Variants in CADPS2 observed in about 807,000 individuals in gnomAD.
CADPS2 encodes calcium dependent secretion activator 2, also known as calcium-dependent secretion activator 2.
Under a neutral mutation model 172.5 loss-of-function variants are expected in CADPS2, and 93 were observed. The observed-to-expected ratio is 0.54, with a 90% CI of 0.46 to 0.64. The LOEUF is 0.64. CADPS2 is among the 30% of genes least tolerant of loss of function. CADPS2 has a pLI of 0.00. For missense variants in CADPS2, 1,420 were observed against 1,565.9 expected (o/e 0.91, Z 1.57); for synonymous variants, 546 against 555.2 (o/e 0.98, Z 0.23).
At chr7:122,853,659 C>T (rs576557943) in intron 1 of CADPS2, among the ~76,000 whole-genome samples, 1 of 152,286 alleles carries the variant, frequency 6.6e-6, no homozygotes, top group Non-Finnish European at 1.5e-5. Context: ...TCAAGAGTCA[C>T]AAATGAATGT....
At chr7:122,424,373 G>T in intron 17 of CADPS2, 1 of 981,110 alleles carries the variant, frequency 1.0e-6, no homozygotes, top group Non-Finnish European at 1.2e-6. Flanking sequence ...CCTATGGCCA[G>T]CTGTTGAACA....
intron 27 of CADPS2, among the ~76,000 whole-genome samples, chr7:122,352,259 A>C (rs2038781354): frequency 6.6e-6 from 1 of 152,254 alleles, no homozygotes; most frequent in Non-Finnish European, 1.5e-5. Context: ...TAAATCTCTC[A>C]GTTCACTAGC....
chr7:122,669,730 A>G (rs1483773837), intron 2 of CADPS2, among the ~76,000 whole-genome samples: 2 of 152,030 alleles, frequency 1.3e-5, no homozygotes, highest in East Asian at 3.9e-4. Flanking sequence ...ACATACTCTG[A>G]AGGCCATCAC....
At chr7:122,647,686 C>CA (rs1191876563) in intron 3 of CADPS2, among the ~76,000 whole-genome samples, 1 of 152,098 alleles carries the variant, frequency 6.6e-6, no homozygotes, top group Non-Finnish European at 1.5e-5. Context: ...CATTAAATAT[C>CA]ACTGATACTA....
chr7:122,428,538 G>A (rs764872705), intron 17 of CADPS2, among the ~76,000 whole-genome samples: 2 of 150,984 alleles, frequency 1.3e-5, no homozygotes, highest in Non-Finnish European at 2.9e-5. Flanking sequence ...CGCAATCACG[G>A]CTCACTGCAA....
chr7:122,326,772 T>A (rs971661750), intron 28 of CADPS2, among the ~76,000 whole-genome samples: 1 of 152,084 alleles, frequency 6.6e-6, no homozygotes, highest in East Asian at 1.9e-4. Context: ...TCTGGATTTA[T>A]ATTTATTAAC....
At chr7:122,599,581 G>T (rs986517901) in intron 6 of CADPS2, among the ~76,000 whole-genome samples, 3 of 152,014 alleles carry the variant, frequency 2.0e-5, no homozygotes, top group East Asian at 3.9e-4. Flanking sequence ...AATGTGTTGA[G>T]TAAGGTATCC....
At chr7:122,722,228 A>G (rs987271706) in intron 2 of CADPS2, among the ~76,000 whole-genome samples, 10 of 152,050 alleles carry the variant, frequency 6.6e-5, no homozygotes, top group African/African-American at 2.4e-4. Context: ...AGGGTATTCA[A>G]TTAGGAAAAG....
intron 14 of CADPS2, among the ~76,000 whole-genome samples, chr7:122,462,227 AAG>A (rs2054541885): frequency 1.3e-5 from 2 of 152,172 alleles, no homozygotes; most frequent in South Asian, 4.1e-4. Flanking sequence ...GTAAGCCAGA[AAG>A]GGGGTGACTG....
intron 3 of CADPS2, among the ~76,000 whole-genome samples, chr7:122,662,801 TA>T (rs898759271): frequency 2.0e-5 from 3 of 152,192 alleles, no homozygotes; most frequent in African/African-American, 7.2e-5. Flanking sequence ...ATGAGTTAAA[TA>T]AAAAAATTTG....
chr7:122,503,185 C>T (rs1344562014), intron 9 of CADPS2, among the ~76,000 whole-genome samples: 2 of 152,036 alleles, frequency 1.3e-5, no homozygotes, highest in Admixed American at 6.5e-5. Context: ...GCACGTGCCA[C>T]CACACCTGGC....
intron 1 of CADPS2, among the ~76,000 whole-genome samples, chr7:122,861,075 A>G (rs1466156265): frequency 6.6e-6 from 1 of 152,206 alleles, no homozygotes; most frequent in East Asian, 1.9e-4. Flanking sequence ...GGGAATACAT[A>G]TATGTCTTGA....
chr7:122,619,907 T>G (rs750951497), intron 5 of CADPS2, among the ~76,000 whole-genome samples: 10 of 152,204 alleles, frequency 6.6e-5, no homozygotes, highest in African/African-American at 2.4e-4. Flanking sequence ...GAATTGAATC[T>G]TGAGTCAGAA....
At chr7:122,578,152 T>C (rs1486222357) in intron 7 of CADPS2, among the ~76,000 whole-genome samples, 1 of 151,526 alleles carries the variant, frequency 6.6e-6, no homozygotes. Flanking sequence ...ACTTAATATG[T>C]GTATATATAC....
intron 7 of CADPS2, among the ~76,000 whole-genome samples, chr7:122,556,765 G>A (rs931193217): frequency 6.6e-5 from 10 of 152,070 alleles, no homozygotes; most frequent in Non-Finnish European, 1.5e-4. Context: ...ACTATGTGAG[G>A]ATACACAAAG....
intron 22 of CADPS2, among the ~76,000 whole-genome samples, chr7:122,389,811 A>G (rs989966332): frequency 6.6e-6 from 1 of 152,088 alleles, no homozygotes; most frequent in African/African-American, 2.4e-5. Flanking sequence ...AAAGAAATAA[A>G]CTCATTTATT....
intron 1 of CADPS2, among the ~76,000 whole-genome samples, chr7:122,747,126 T>A (rs909624648): frequency 6.6e-6 from 1 of 152,074 alleles, no homozygotes; most frequent in African/African-American, 2.4e-5. Context: ...GAGATGACTG[T>A]GGAGGCAGAG....
intron 20 of CADPS2, among the ~76,000 whole-genome samples, chr7:122,400,683 A>C (rs2045841662): frequency 6.6e-6 from 1 of 152,170 alleles, no homozygotes; most frequent in Non-Finnish European, 1.5e-5. Flanking sequence ...TAAAGTGCAT[A>C]CTTATAAAAC....
chr7:122,339,540 G>A (rs780177249), intron 28 of CADPS2, among the ~76,000 whole-genome samples: 1 of 152,164 alleles, frequency 6.6e-6, no homozygotes, highest in African/African-American at 2.4e-5. Context: ...TACCAAGAAT[G>A]AGTAAATTCT....
Sources: allele counts gnomAD v4.1 joint callset (sites outside exome capture counted in the v4.1 genomes callset), GRCh38; gene constraint gnomAD v4.1.1; transcripts MANE v1.5; gene names NCBI Gene and HGNC (gene_info 2026-07-23, HGNC 2026-07-21).